ANGPTL6: variants seen among roughly 807,000 people sequenced by gnomAD.
The protein encoded by ANGPTL6 is angiopoietin-related protein 6.
ANGPTL6 carries 45 observed loss-of-function variants against 47.4 expected under a neutral mutation model. That is an observed-to-expected ratio of 0.95 (90% CI 0.75 to 1.22). ANGPTL6 has a LOEUF of 1.22. ANGPTL6 is among the 50% of genes most tolerant of loss of function. ANGPTL6 has a pLI of 0.00. For synonymous variants in ANGPTL6, 290 were observed against 295.9 expected, an observed-to-expected ratio of 0.98 and a Z score of 0.20; for missense variants, 698 against 669.4, an observed-to-expected ratio of 1.04 and a Z score of -0.47.
chr19:10,101,844 C>T lies in ANGPTL6; in HGVS notation c.-11+724G>A, dbSNP rs191063905. The stretch of plus-strand genomic sequence containing the variant: ...AAAAAAGGCCAGGTGCGGTGGCTCA[C>T]GCCTGTAATCCCAGCACTTGGGAGG... On this transcript the variant is annotated intron_variant, in intron 1 of 5. Transcript: ENST00000253109. 6.0e-3 allele frequency among the ~76,000 whole-genome samples: 846 copies of T among 141,396 alleles called. 22 individuals are homozygous for T. The highest frequency in any genetic ancestry group is 0.044 in the South Asian group (196 of 4,428). The allele number at this position is 141,396 out of a possible 152,430, so 92.8% of individuals were successfully genotyped here.
At chr19:10,097,582 G>A (rs548696276) in intron 1 of ANGPTL6, among the ~76,000 whole-genome samples, 11 of 152,222 alleles carry the variant, frequency 7.2e-5, no homozygotes, top group Admixed American at 5.9e-4. Flanking sequence ...GGCCAGGCGC[G>A]GTGGCTCACT....
chr19:10,094,217 G>A (rs1031909314), intron 3 of ANGPTL6, among the ~76,000 whole-genome samples: 1 of 151,926 alleles, frequency 6.6e-6, no homozygotes, highest in African/African-American at 2.4e-5. Context: ...TGCGATCTCG[G>A]CTCACTGCAA....
At chr19:10,092,818 T>C (rs2088425846) in intron 5 of ANGPTL6, 39 bp from the exon 6 acceptor site, 2 of 1,515,474 alleles carry the variant, frequency 1.3e-6, no homozygotes, top group Non-Finnish European at 1.8e-6. Context: ...CTCACCAGAA[T>C]AAAAGCCTCT....
At chr19:10,104,699 T>C (rs982642938), upstream of ANGPTL6, among the ~76,000 whole-genome samples, 4 of 152,140 alleles carry the variant, frequency 2.6e-5, no homozygotes, top group Non-Finnish European at 5.9e-5. Flanking sequence ...GCTGGAAACA[T>C]AACAGTTTCA....
Position 10,102,678 on chromosome 19 carries a change from T to G in ANGPTL6, c.-121A>C. 1.0e-6 allele frequency: 1 copy of G among 984,780 alleles called. No homozygotes were observed. Among genetic ancestry groups the G allele is most frequent in the Non-Finnish European group, 1.2e-6 (1 of 829,552 alleles). 61.0% of individuals were successfully genotyped at this position (984,780 alleles called of 1,614,324 possible). A position where few individuals can be genotyped will look rare whatever the true frequency, so the allele number is the denominator to read the frequency against. ...TGAGCTAGAGACGGGGAGAGGGCAG[T>G]GGGACAGAAGGAGAGAGGAGGCTTG... On this transcript the variant is annotated 5_prime_UTR_variant, in exon 1 of 6. Coordinates refer to ENST00000253109, the MANE Select transcript of ANGPTL6 (RefSeq NM_031917.3).
rs1019332736 is a variant in ANGPTL6 at position 10,101,804 on chromosome 19, C to CAAA, written c.-11+761_-11+763dup. Among the ~76,000 whole-genome samples, 30 of 54,094 alleles carry CAAA rather than the reference C, an allele frequency of 5.5e-4. 1 individual carries two copies. Among genetic ancestry groups the CAAA allele is most frequent in the African/African-American group, 1.7e-3 (22 of 12,906 alleles). 35.5% of individuals were successfully genotyped at this position (54,094 alleles called of 152,430 possible). A position where few individuals can be genotyped will look rare whatever the true frequency, so the allele number is the denominator to read the frequency against. On this transcript the variant is annotated intron_variant, in intron 1 of 5. Transcript: ENST00000253109. Reference sequence around the variant, plus strand: ...CCAACCTGGGCGACAGAGCAAGGCTCAAAAAAAAAAAAAAAAAAAAGGCCA... The same window carrying CAAA: ...CCAACCTGGGCGACAGAGCAAGGCTCAAAAAAAAAAAAAAAAAAAAAAAGGCCA...
intron 3 of ANGPTL6, 106 bp from the exon 4 acceptor site, chr19:10,093,986 C>T: frequency 8.2e-7 from 1 of 1,213,766 alleles, no homozygotes; most frequent in Non-Finnish European, 1.2e-6. Flanking sequence ...AAGAGTTCTG[C>T]CTCTCCCACT....
intron 1 of ANGPTL6, among the ~76,000 whole-genome samples, chr19:10,097,222 A>C (rs1435978059): frequency 1.3e-5 from 2 of 152,128 alleles, no homozygotes; most frequent in Non-Finnish European, 2.9e-5. Context: ...CCTAGACAAC[A>C]CAGAGAGACC....
chr19:10,094,744 T>TA lies in ANGPTL6; in HGVS notation c.763+13dup, dbSNP rs1372262970. The TA allele has an allele frequency of 3.1e-6, 5 of 1,614,008 alleles. No individual in the cohort carries two copies. Among genetic ancestry groups the TA allele is most frequent in the Non-Finnish European group, 3.4e-6 (4 of 1,180,024 alleles). ...TCCTCTACCCACAATTCCTCAGCCC[T>TA]AATGTCGACTTACCCACAGGCTTGG... On this transcript the variant is annotated intron_variant, in intron 3 of 5. Coordinates refer to ENST00000253109, the MANE Select transcript of ANGPTL6 (RefSeq NM_031917.3).
At position 10,096,150 on chromosome 19, in the gene ANGPTL6, C is replaced by A. The variant is rs777193162; in HGVS notation, c.414G>T (p.Leu138=). 1 of 1,333,978 alleles carries A rather than the reference C, an allele frequency of 7.5e-7. No individual in the cohort carries two copies. The highest frequency in any genetic ancestry group is 1.9e-5 in the South Asian group (1 of 52,452). 82.6% of individuals were successfully genotyped at this position (1,333,978 alleles called of 1,614,324 possible). A position where few individuals can be genotyped will look rare whatever the true frequency, so the allele number is the denominator to read the frequency against. Residue 138 remains leucine (L), a synonymous_variant, in exon 2 of 6, where the codon CTG becomes CTT. Transcript: ENST00000253109. ...LGAEPAAALA[L]LGERVLNASA... ...ACGCGTTGAGCACGCGCTCCCCGAG[C>A]AGCGCCAGCGCCGCGGCAGGCTCCG...
intron 1 of ANGPTL6, among the ~76,000 whole-genome samples, chr19:10,098,884 G>A (rs1275244067): frequency 2.0e-5 from 3 of 151,610 alleles, no homozygotes; most frequent in East Asian, 1.9e-4. Flanking sequence ...TGAGGGAAAC[G>A]TCTCACTAAC....
At position 10,096,085 on chromosome 19, in the gene ANGPTL6, A is replaced by C. The variant is rs771917209; in HGVS notation, c.479T>G (p.Leu160Arg). 4.0e-6 allele frequency: 6 copies of C among 1,494,162 alleles called. No homozygotes were observed. Among genetic ancestry groups the C allele is most frequent in the East Asian group, 2.7e-5 (1 of 36,882 alleles). 92.6% of individuals were successfully genotyped at this position (1,494,162 alleles called of 1,614,324 possible). ...CGCCAGCTCGCGGAACTTGACGTCCAGCTGGTGGAACCGGGCGGCTGCGCG... is the reference window on the plus strand; with the variant it reads ...CGCCAGCTCGCGGAACTTGACGTCCCGCTGGTGGAACCGGGCGGCTGCGCG... ...AQRAAARFHQ[L>R]DVKFRELAQL... Residue 160 changes from leucine (L) to arginine (R), a missense_variant, in exon 2 of 6, where the codon CTG becomes CGG. By Grantham distance (102) the Leu-to-Arg change is moderately radical (BLOSUM62 -2). Transcript: ENST00000253109.
In ANGPTL6 at chr19:10,093,771, C is replaced by T. The variant is rs2088458157; in HGVS notation, c.873G>A (p.Leu291=). Residue 291 remains leucine (L), a synonymous_variant, in exon 4 of 6, where the codon CTG becomes CTA. Coordinates refer to ENST00000253109, the MANE Select transcript of ANGPTL6 (RefSeq NM_031917.3). ...GGATCACAGTCCAGCCTCCACCCTC[C>T]AGTTGCTGCTCACACCATACTGACA... ...HVVSVWCEQQ[L]EGGGWTVIQR... is the part of the protein sequence containing the mutation. 6.2e-7 allele frequency: 1 copy of T among 1,614,260 alleles called. No individual in the cohort carries two copies. The highest frequency in any genetic ancestry group is 1.1e-5 in the South Asian group (1 of 91,086).
chr19:10,096,184 T>TCCGCCCCCGGGC lies in ANGPTL6; in HGVS notation c.368_379dup (p.Gly123_Ala126dup). The TCCGCCCCCGGGC allele has an allele frequency of 7.9e-7, 1 of 1,266,662 alleles. No homozygotes were observed. The highest frequency in any genetic ancestry group is 9.9e-7 in the Non-Finnish European group (1 of 1,006,878). 78.5% of individuals were successfully genotyped at this position (1,266,662 alleles called of 1,614,324 possible). A position where few individuals can be genotyped will look rare whatever the true frequency, so the allele number is the denominator to read the frequency against. The stretch of plus-strand genomic sequence containing the variant: ...CGCCGCGGCAGGCTCCGCCCCCAGA[T>TCCGCCCCCGGGC]CCGCCCCCGGGCCCGCCCCGGGCCC... On this transcript the variant is annotated inframe_insertion, in exon 2 of 6. Transcript: ENST00000253109.
upstream of ANGPTL6, among the ~76,000 whole-genome samples, chr19:10,103,168 A>G (rs970516327): frequency 6.6e-5 from 10 of 151,894 alleles, no homozygotes; most frequent in African/African-American, 2.2e-4. Flanking sequence ...AGAGACCAGG[A>G]TGGGAGCCAG....
rs748813179 is a variant in ANGPTL6 at position 10,092,721 on chromosome 19, G to T, written c.1281C>A (p.Asn427Lys). The T allele has an allele frequency of 6.2e-7, 1 of 1,613,654 alleles. No homozygotes were observed. The highest frequency in any genetic ancestry group is 1.3e-5 in the African/African-American group (1 of 74,910). ...CGCCGTGGTGCCACACACCGTTGAG[G>T]TTGGAGTGGGCACAGGCATGGTACC... ...GWWYHACAHS[N>K]LNGVWHHGGH... The change falls in exon 6 of 6, where the codon AAC becomes AAA. Residue 427 changes from asparagine to lysine, a missense_variant. Coordinates refer to ENST00000253109, the MANE Select transcript of ANGPTL6 (RefSeq NM_031917.3).
At chr19:10,101,641 C>G (rs2088681200) in intron 1 of ANGPTL6, among the ~76,000 whole-genome samples, 1 of 151,530 alleles carries the variant, frequency 6.6e-6, no homozygotes, top group South Asian at 2.1e-4. Context: ...AACCCCGTCT[C>G]TACTAAAAAT....
At chr19:10,104,002 A>G (rs1423650537), upstream of ANGPTL6, among the ~76,000 whole-genome samples, 1 of 148,590 alleles carries the variant, frequency 6.7e-6, no homozygotes, top group Non-Finnish European at 1.5e-5. Context: ...CTGAGGCAGG[A>G]GAATCGCTTG....
intron 1 of ANGPTL6, among the ~76,000 whole-genome samples, chr19:10,100,188 T>C (rs1362031672): frequency 1.3e-5 from 2 of 151,454 alleles, no homozygotes; most frequent in Non-Finnish European, 2.9e-5. Flanking sequence ...GAGGTTGCAG[T>C]GAGCTGAGAC....
Sources: gnomAD v4.1 joint callset for allele counts (sites outside exome capture counted in the v4.1 genomes callset) on GRCh38, gnomAD v4.1.1 for gene constraint, MANE v1.5 for transcripts, NCBI Gene and HGNC (gene_info 2026-07-23, HGNC 2026-07-21) for gene names.